The following UBE2W variants were observed in gnomAD, a reference collection of about 807,000 sequenced individuals.
UBE2W encodes the protein ubiquitin-conjugating enzyme E2 W.
A neutral mutation model predicts 27.2 loss-of-function variants in UBE2W; 18 were observed. The observed-to-expected ratio is 0.66, with a 90% confidence interval of 0.46 to 0.98. The LOEUF is 0.98. Ranked by LOEUF, UBE2W falls within the 50% of genes least tolerant of loss-of-function variation. The pLI is 0.00. For missense variants in UBE2W, 90 were observed against 180.2 expected, an observed-to-expected ratio of 0.50 and a Z score of 2.87; for synonymous variants, 53 against 57.2, an observed-to-expected ratio of 0.93 and a Z score of 0.33.
chr8:73,780,367 C>T (rs570125270), exon 5 of UBE2W: 64 of 367,168 alleles, frequency 1.7e-4, no homozygotes, highest in South Asian at 9.8e-4. Flanking sequence ...CATTCTACTT[C>T]GGTATAACCT....
At chr8:73,826,379 T>C (rs141414349) in intron 2 of UBE2W, among the ~76,000 whole-genome samples, 15 of 152,314 alleles carry the variant, frequency 9.8e-5, no homozygotes, top group African/African-American at 3.6e-4. Context: ...CTCTGTCACT[T>C]ATAATTCTTG....
At chr8:73,781,921 A>C (rs963341361), downstream of UBE2W, among the ~76,000 whole-genome samples, 1 of 145,708 alleles carries the variant, frequency 6.9e-6, no homozygotes, top group Non-Finnish European at 1.5e-5. Flanking sequence ...TTTATTACTA[A>C]AAGCCTCCTT....
At chr8:73,798,284 G>A (rs1387572266) in intron 5 of UBE2W, among the ~76,000 whole-genome samples, 1 of 152,130 alleles carries the variant, frequency 6.6e-6, no homozygotes. Context: ...GTGACAGAGT[G>A]AGATTCTGTC....
intron 1 of UBE2W, 150 bp from the exon 2 acceptor site, chr8:73,830,622 G>C: frequency 1.6e-6 from 1 of 607,770 alleles, no homozygotes; most frequent in South Asian, 2.2e-5. Context: ...AGTAGCTTGA[G>C]ACTACAGGCA....
downstream of UBE2W, among the ~76,000 whole-genome samples, chr8:73,782,923 G>A (rs1245897625): frequency 1.3e-5 from 2 of 152,122 alleles, no homozygotes; most frequent in African/African-American, 4.8e-5. Context: ...CCACATCCTT[G>A]CCACAACTTG....
chr8:73,829,855 T>A (rs1810001551), intron 2 of UBE2W, among the ~76,000 whole-genome samples: 2 of 152,176 alleles, frequency 1.3e-5, no homozygotes, highest in Admixed American at 1.3e-4. Flanking sequence ...TTTTTTTAAG[T>A]GGAGGATAAA....
At chr8:73,829,021 T>C (rs545586343) in intron 2 of UBE2W, among the ~76,000 whole-genome samples, 1 of 152,240 alleles carries the variant, frequency 6.6e-6, no homozygotes, top group Non-Finnish European at 1.5e-5. Context: ...AGGTAAAAAT[T>C]TTATGGTTCA....
In UBE2W at chr8:73,794,164, G is replaced by C. The variant is rs769066703; in HGVS notation, c.443-49C>G. 2.5e-6 allele frequency: 4 copies of C among 1,594,622 alleles called. No homozygotes were observed. The Admixed American group carries it at 6.9e-5, about 28-fold the overall frequency. On this transcript the variant is annotated intron_variant, in intron 5 of 5. Transcript: ENST00000602593. ...TAATTAAAAAGTCAAGCATGTATAA[G>C]TAAATTCTACAAGTCTGTTTAATGT...
intron 3 of UBE2W, among the ~76,000 whole-genome samples, chr8:73,811,958 T>C (rs1458716890): frequency 2.0e-5 from 3 of 152,160 alleles, no homozygotes; most frequent in East Asian, 3.8e-4. Flanking sequence ...GTTTTATATA[T>C]ATTTTAAATA....
rs537903346 is a variant in UBE2W at position 73,814,947 on chromosome 8, T to A, written c.211-4318A>T. On this transcript the variant is annotated intron_variant, in intron 3 of 5. Transcript: ENST00000602593. ...GTATGTATCATTTTGGAGATAAGTA[T>A]GTTTATCCCACAACCAACCTGAAAT... Among the ~76,000 whole-genome samples, 13 of 152,338 alleles carry A rather than the reference T, an allele frequency of 8.5e-5. No individual in the cohort carries two copies. The South Asian group carries it at 2.5e-3, about 29-fold the overall frequency.
At chr8:73,809,720 C>T (rs1276034623) in intron 4 of UBE2W, among the ~76,000 whole-genome samples, 6 of 152,038 alleles carry the variant, frequency 3.9e-5, no homozygotes, top group Non-Finnish European at 7.4e-5. Context: ...GCTGGGATTA[C>T]AGGCATATAC....
intron 1 of UBE2W, among the ~76,000 whole-genome samples, chr8:73,835,647 GAC>G (rs1371947686): frequency 1.1e-4 from 17 of 152,324 alleles, no homozygotes; most frequent in African/African-American, 3.8e-4. Context: ...GGGAGGCTGA[GAC>G]AGGAGAATTG....
chr8:73,831,192 G>A, intron 1 of UBE2W: 2 of 446,168 alleles, frequency 4.5e-6, no homozygotes, highest in Admixed American at 3.5e-5. Context: ...CAAATGGGTG[G>A]CTTTCCTGGA....
intron 1 of UBE2W, among the ~76,000 whole-genome samples, chr8:73,871,132 ACTG>A (rs1276370068): frequency 2.0e-5 from 3 of 152,240 alleles, no homozygotes; most frequent in African/African-American, 7.2e-5. Flanking sequence ...CCAGTATGAC[ACTG>A]CTAATATAAT....
Position 73,792,197 on chromosome 8 carries a change from TAA to T in UBE2W, c.*1903_*1904del, listed in dbSNP as rs370461027. ...TAATTCAAAGACTTTCTGTCTTGGT[TAA>T]ACAGGCCAACTAATAAAACTGACAG... On this transcript the variant is annotated 3_prime_UTR_variant, in exon 6 of 6. Coordinates refer to ENST00000602593, the MANE Select transcript of UBE2W (RefSeq NM_018299.6). 6.6e-5 allele frequency: 65 copies of T among 985,674 alleles called. No individual in the cohort carries two copies. The African/African-American group carries it at 1.1e-3, about 17-fold the overall frequency. 61.1% of individuals were successfully genotyped at this position (985,674 alleles called of 1,614,324 possible).
At chr8:73,833,527 T>C (rs905194917) in intron 1 of UBE2W, among the ~76,000 whole-genome samples, 8 of 152,148 alleles carry the variant, frequency 5.3e-5, no homozygotes, top group African/African-American at 1.7e-4. Context: ...GTTAAGGTTT[T>C]CTTCCTACAT....
At chr8:73,797,133 T>C (rs959157520) in intron 5 of UBE2W, among the ~76,000 whole-genome samples, 2 of 152,278 alleles carry the variant, frequency 1.3e-5, no homozygotes, top group Middle Eastern at 3.4e-3. Context: ...AGGTGACACC[T>C]ACCATGGCTA....
intron 1 of UBE2W, among the ~76,000 whole-genome samples, chr8:73,876,798 G>A (rs193134100): frequency 1.2e-4 from 19 of 152,192 alleles, no homozygotes; most frequent in Admixed American, 3.9e-4. Flanking sequence ...AAGAAACCCC[G>A]TCTCTACTGA....
chr8:73,785,601 ACT>A (rs1346374637), downstream of UBE2W, among the ~76,000 whole-genome samples: 2 of 148,854 alleles, frequency 1.3e-5, no homozygotes, highest in African/African-American at 4.9e-5. Flanking sequence ...GCACCCATCC[ACT>A]CTCTTTTAGA....
Sources: gnomAD v4.1 joint callset for allele counts (sites outside exome capture counted in the v4.1 genomes callset) on GRCh38, gnomAD v4.1.1 for gene constraint, MANE v1.5 for transcripts, NCBI Gene and HGNC (gene_info 2026-07-23, HGNC 2026-07-21) for gene names.